The following TRHDE variants were observed in gnomAD, a reference collection of about 807,000 sequenced individuals.
TRHDE encodes thyrotropin releasing hormone degrading enzyme.
In TRHDE, 72 loss-of-function variants were observed where a neutral mutation model predicts 125.7. The ratio of observed to expected loss-of-function variants is 0.57; its 90% CI spans 0.47 to 0.70. The LOEUF is 0.70. TRHDE is among the 30% of genes least tolerant of loss of function. The pLI, the probability that TRHDE is intolerant of heterozygous loss-of-function variation, is 0.00. For missense variants in TRHDE, 1,110 were observed against 1,327.1 expected, an observed-to-expected ratio of 0.84 and a Z score of 2.54; for synonymous variants, 509 against 509.1, an observed-to-expected ratio of 1.00 and a Z score of 0.00.
chr12:72,661,306 A>C (rs567143744), intron 18 of TRHDE, among the ~76,000 whole-genome samples: 9 of 152,130 alleles, frequency 5.9e-5, no homozygotes, highest in Non-Finnish European at 1.0e-4. Flanking sequence ...ACCATCTCAT[A>C]AGGAAGCCAA....
intron 1 of TRHDE, among the ~76,000 whole-genome samples, chr12:72,088,659 A>C (rs1053458431): frequency 2.0e-5 from 3 of 152,058 alleles, no homozygotes; most frequent in Non-Finnish European, 4.4e-5. Flanking sequence ...ATAGGGATTA[A>C]ATGCTTCACA....
upstream of TRHDE, chr12:72,272,167 A>C (rs1268520874): frequency 2.2e-6 from 1 of 456,388 alleles, no homozygotes. The surrounding 1 kb of genome is among the most constrained non-coding windows in gnomAD (Gnocchi z 6.7). Flanking sequence ...CCGCCGCTGG[A>C]GTGGGGGGAG....
At position 72,101,425 on chromosome 12, in the gene TRHDE, T is replaced by C. The variant is rs925683871; in HGVS notation, n.175-4223T>C. ...TTCAAGGATGGCTGATGTACAATCC[T>C]TTCAAAGTTTTCTGTTTGGTGATTA... On this transcript the variant is annotated intron_variant and non_coding_transcript_variant, in intron 1 of 4. Coordinates refer to the TRHDE transcript ENST00000548156. 6.6e-5 allele frequency among the ~76,000 whole-genome samples: 10 copies of C among 152,220 alleles called. No homozygotes were observed. In the South Asian group the frequency reaches 2.1e-3, roughly 31 times the overall value.
chr12:72,629,950 C>T (rs1441082050), intron 15 of TRHDE, among the ~76,000 whole-genome samples: 1 of 150,914 alleles, frequency 6.6e-6, no homozygotes, highest in Non-Finnish European at 1.5e-5. Context: ...TCTAATGATA[C>T]TGTGGTAACA....
At chr12:72,174,486 A>AT (rs1012582169) in intron 2 of TRHDE, among the ~76,000 whole-genome samples, 22 of 152,206 alleles carry the variant, frequency 1.4e-4, no homozygotes, top group African/African-American at 4.3e-4. Context: ...TTCTTATATC[A>AT]TTTTTTTCTT....
intron 2 of TRHDE, among the ~76,000 whole-genome samples, chr12:72,244,730 C>T (rs1317997031): frequency 6.6e-6 from 1 of 151,866 alleles, no homozygotes; most frequent in East Asian, 1.9e-4. Flanking sequence ...CAATATATTA[C>T]ATTAAAATCA....
intron 2 of TRHDE, among the ~76,000 whole-genome samples, chr12:72,166,440 T>C (rs2139332048): frequency 6.6e-6 from 1 of 152,262 alleles, no homozygotes; most frequent in Admixed American, 6.5e-5. Context: ...CTCTCTGTGG[T>C]AACTAACAAT....
At chr12:72,280,242 A>G (rs1027100992) in intron 1 of TRHDE, among the ~76,000 whole-genome samples, 9 of 152,156 alleles carry the variant, frequency 5.9e-5, no homozygotes, top group Admixed American at 2.0e-4. Flanking sequence ...ATGATATTCT[A>G]TTGTACAGGG....
chr12:72,635,964 T>G (rs897779491), intron 15 of TRHDE, among the ~76,000 whole-genome samples: 1 of 151,750 alleles, frequency 6.6e-6, no homozygotes, highest in Non-Finnish European at 1.5e-5. Flanking sequence ...TCTTTTGGCT[T>G]AGGATTGACT....
At chr12:72,625,534 A>G (rs887911603) in intron 15 of TRHDE, among the ~76,000 whole-genome samples, 1 of 151,922 alleles carries the variant, frequency 6.6e-6, no homozygotes, top group Admixed American at 6.6e-5. Context: ...TACATAATAC[A>G]TGAGCTTCAC....
chr12:72,233,041 A>G (rs1878277297), intron 2 of TRHDE, among the ~76,000 whole-genome samples: 1 of 152,174 alleles, frequency 6.6e-6, no homozygotes, highest in Admixed American at 6.6e-5. Context: ...AGCTTAATAT[A>G]TATTTGTTAA....
At chr12:72,287,732 T>A (rs1565685025) in intron 2 of TRHDE, among the ~76,000 whole-genome samples, 1 of 152,186 alleles carries the variant, frequency 6.6e-6, no homozygotes, top group Non-Finnish European at 1.5e-5. Flanking sequence ...ATTGTCTGCA[T>A]TAAATTTATA....
At chr12:72,623,645 CAAAGAAAGGAAACA>C (rs1873140897) in intron 15 of TRHDE, among the ~76,000 whole-genome samples, 2 of 151,812 alleles carry the variant, frequency 1.3e-5, no homozygotes, top group Non-Finnish European at 2.9e-5. Context: ...AGTGTGAACA[CAAAGAAAGGAAACA>C]TTACTATCTT....
chr12:72,156,387 A>C (rs889355496), intron 2 of TRHDE, among the ~76,000 whole-genome samples: 1 of 152,142 alleles, frequency 6.6e-6, no homozygotes, highest in Admixed American at 6.6e-5. Flanking sequence ...TGCTCGGTGC[A>C]CTGCACCCAC....
At chr12:72,397,902 A>G (rs1337100403) in intron 3 of TRHDE, among the ~76,000 whole-genome samples, 1 of 151,738 alleles carries the variant, frequency 6.6e-6, no homozygotes, top group Non-Finnish European at 1.5e-5. Flanking sequence ...TTACACATGT[A>G]TACATATGCC....
At chr12:72,364,162 G>A (rs555677516) in intron 2 of TRHDE, among the ~76,000 whole-genome samples, 1 of 152,084 alleles carries the variant, frequency 6.6e-6, no homozygotes, top group African/African-American at 2.4e-5. Context: ...CTCATGGGTA[G>A]GAATAATCAA....
At chr12:72,237,667 G>A (rs1456778140) in intron 2 of TRHDE, among the ~76,000 whole-genome samples, 1 of 152,126 alleles carries the variant, frequency 6.6e-6, no homozygotes, top group Non-Finnish European at 1.5e-5. Context: ...TTGTAAAGAA[G>A]GTGCCTGCTT....
chr12:72,599,756 T>C (rs997725419), intron 12 of TRHDE, among the ~76,000 whole-genome samples: 1 of 152,128 alleles, frequency 6.6e-6, no homozygotes, highest in African/African-American at 2.4e-5. Flanking sequence ...TTTGTTGCAA[T>C]TGATTTTTAG....
chr12:72,543,004 G>T (rs866929918), intron 7 of TRHDE, among the ~76,000 whole-genome samples: 1 of 151,222 alleles, frequency 6.6e-6, no homozygotes, highest in African/African-American at 2.4e-5. Context: ...CATTGAATCT[G>T]CTGGAGCAAA....
Sources: gnomAD v4.1 joint callset for allele counts (sites outside exome capture counted in the v4.1 genomes callset) on GRCh38, gnomAD v4.1.1 for gene constraint, Gnocchi (gnomAD v3.1) non-coding constraint, MANE v1.5 for transcripts, NCBI Gene and HGNC (gene_info 2026-07-23, HGNC 2026-07-21) for gene names.